The following TBC1D5 variants were observed in gnomAD, a reference collection of about 807,000 sequenced individuals.
TBC1D5 encodes the protein TBC1 domain family member 5.
A neutral mutation model predicts 100.3 loss-of-function variants in TBC1D5; 75 were observed. That is an observed-to-expected ratio of 0.75 (90% CI 0.62 to 0.91). TBC1D5 has a LOEUF of 0.91. Among genes scored for constraint, TBC1D5 ranks in the 40% least tolerant of loss-of-function variants. The pLI, the probability that TBC1D5 is intolerant of heterozygous loss-of-function variation, is 0.00. For missense variants in TBC1D5, 910 were observed against 942.4 expected (o/e 0.97, Z 0.45); for synonymous variants, 323 against 325.6 (o/e 0.99, Z 0.09).
chr3:17,696,668 C>A (rs2072153292), intron 1 of TBC1D5, among the ~76,000 whole-genome samples: 1 of 152,168 alleles, frequency 6.6e-6, no homozygotes, highest in Admixed American at 6.5e-5. Flanking sequence ...TAAATTCTAC[C>A]AGAGGTACAA....
At chr3:17,242,866 A>G (rs1009000170) in intron 16 of TBC1D5, among the ~76,000 whole-genome samples, 2 of 152,186 alleles carry the variant, frequency 1.3e-5, no homozygotes, top group East Asian at 1.9e-4. Context: ...TTTGAAATGA[A>G]TATCTTTTAT....
At chr3:17,174,668 G>A (rs960574910) in intron 19 of TBC1D5, among the ~76,000 whole-genome samples, 3 of 151,996 alleles carry the variant, frequency 2.0e-5, no homozygotes, top group African/African-American at 7.3e-5. Flanking sequence ...ATCTCGACTC[G>A]CTGCAACCTC....
At chr3:17,536,772 G>A (rs1056722218) in intron 2 of TBC1D5, among the ~76,000 whole-genome samples, 13 of 152,162 alleles carry the variant, frequency 8.5e-5, no homozygotes, top group African/African-American at 2.7e-4. Context: ...AGGGAGGGAG[G>A]GGAGCTTTAA....
intron 18 of TBC1D5, among the ~76,000 whole-genome samples, chr3:17,201,567 C>G (rs567407041): frequency 1.1e-3 from 173 of 152,318 alleles, no homozygotes; most frequent in African/African-American, 3.9e-3. Flanking sequence ...CTGCCCAAAT[C>G]TCATCTTGAA....
intron 2 of TBC1D5, among the ~76,000 whole-genome samples, chr3:17,552,025 G>A (rs1339859607): frequency 1.3e-5 from 2 of 151,958 alleles, no homozygotes; most frequent in Non-Finnish European, 2.9e-5. Context: ...CTGAGCAATG[G>A]CATGGGAAAC....
chr3:17,325,267 T>C (rs116666749), intron 13 of TBC1D5, among the ~76,000 whole-genome samples: 11,916 of 114,684 alleles, frequency 0.1, 1,163 homozygotes, highest in African/African-American at 0.3. Flanking sequence ...TAGTACTCAG[T>C]TAAAAAAAAA....
At chr3:17,617,891 C>T (rs1414995247) in intron 2 of TBC1D5, among the ~76,000 whole-genome samples, 2 of 152,156 alleles carry the variant, frequency 1.3e-5, no homozygotes, top group Non-Finnish European at 2.9e-5. Flanking sequence ...CTTCTGAAGC[C>T]TACTTCTGTC....
intron 4 of TBC1D5, among the ~76,000 whole-genome samples, chr3:17,417,093 T>G (rs1331003528): frequency 6.6e-6 from 1 of 152,180 alleles, no homozygotes; most frequent in Non-Finnish European, 1.5e-5. Context: ...TACTGTGAAC[T>G]GAACAAAATA....
intron 13 of TBC1D5, among the ~76,000 whole-genome samples, chr3:17,344,240 A>G (rs1302638595): frequency 1.3e-5 from 2 of 152,142 alleles, no homozygotes; most frequent in South Asian, 2.1e-4. Flanking sequence ...AAATCAATGT[A>G]CAAAAATCAC....
chr3:17,276,781 C>T (rs994032081), intron 15 of TBC1D5, among the ~76,000 whole-genome samples: 2 of 152,172 alleles, frequency 1.3e-5, no homozygotes, highest in East Asian at 1.9e-4. Flanking sequence ...TCTAAAGGCT[C>T]GCGTGATTAG....
At chr3:17,582,284 G>GA (rs1318876170) in intron 2 of TBC1D5, among the ~76,000 whole-genome samples, 6 of 152,120 alleles carry the variant, frequency 3.9e-5, no homozygotes, top group Non-Finnish European at 8.8e-5. Context: ...ATGGATAGTA[G>GA]AAAAAATTAA....
At chr3:17,435,869 A>G (rs2149463175) in intron 3 of TBC1D5, among the ~76,000 whole-genome samples, 1 of 152,340 alleles carries the variant, frequency 6.6e-6, no homozygotes, top group Non-Finnish European at 1.5e-5. Context: ...ATGATCAGAA[A>G]GTAACTGAGA....
intron 14 of TBC1D5, among the ~76,000 whole-genome samples, chr3:17,297,482 A>G (rs574038232): frequency 2.6e-5 from 4 of 152,098 alleles, no homozygotes; most frequent in Admixed American, 2.0e-4. Flanking sequence ...AGGCTGACGC[A>G]GGAGAATCAC....
chr3:17,595,319 T>C (rs1017196241), intron 2 of TBC1D5, among the ~76,000 whole-genome samples: 1 of 152,154 alleles, frequency 6.6e-6, no homozygotes, highest in African/African-American at 2.4e-5. Flanking sequence ...TTTGCCAGGA[T>C]ATGGGTAGTT....
At chr3:17,324,143 T>C (rs1480599823) in intron 13 of TBC1D5, among the ~76,000 whole-genome samples, 1 of 152,220 alleles carries the variant, frequency 6.6e-6, no homozygotes, top group Non-Finnish European at 1.5e-5. Context: ...CTCGTACTTA[T>C]ATTTTACATG....
At chr3:17,406,600 A>T in intron 4 of TBC1D5, 74 bp from the exon 5 acceptor site, 4 of 1,397,460 alleles carry the variant, frequency 2.9e-6, no homozygotes, top group Non-Finnish European at 3.9e-6. Flanking sequence ...TCTACGGGAA[A>T]TTAATTTTAA....
chr3:17,525,451 T>A (rs1371790881), intron 2 of TBC1D5, among the ~76,000 whole-genome samples: 1 of 152,162 alleles, frequency 6.6e-6, no homozygotes, highest in Non-Finnish European at 1.5e-5. Context: ...CTTTTAAAAA[T>A]ATTTAATTAT....
intron 1 of TBC1D5, among the ~76,000 whole-genome samples, chr3:17,651,845 A>C (rs1372014697): frequency 6.6e-6 from 1 of 152,174 alleles, no homozygotes; most frequent in Admixed American, 6.5e-5. Flanking sequence ...AAGCCAGTGA[A>C]TATGCATAAG....
chr3:17,651,854 A>C (rs989168418), intron 1 of TBC1D5, among the ~76,000 whole-genome samples: 1 of 152,172 alleles, frequency 6.6e-6, no homozygotes, highest in Non-Finnish European at 1.5e-5. Flanking sequence ...AATATGCATA[A>C]GAGTGAAAAC....
Sources: allele counts gnomAD v4.1 joint callset (sites outside exome capture counted in the v4.1 genomes callset), GRCh38; gene constraint gnomAD v4.1.1; transcripts MANE v1.5; gene names NCBI Gene and HGNC (gene_info 2026-07-23, HGNC 2026-07-21).